Variants in MAP3K7 observed in about 807,000 individuals in gnomAD.
The protein encoded by MAP3K7 is TGF-beta activated kinase 1.
In MAP3K7, 21 loss-of-function variants were observed where a neutral mutation model predicts 84.8. The observed-to-expected ratio is 0.25, with a 90% confidence interval of 0.18 to 0.36. The LOEUF (loss-of-function observed/expected upper bound fraction) is 0.36, where lower values mean the gene tolerates loss of function less well. MAP3K7 is among the 10% of genes least tolerant of loss of function. The pLI, the probability that MAP3K7 is intolerant of heterozygous loss-of-function variation, is 1.00. For missense variants in MAP3K7, 503 were observed against 747.7 expected, an observed-to-expected ratio of 0.67 and a Z score of 3.82; for synonymous variants, 241 against 247.7, an observed-to-expected ratio of 0.97 and a Z score of 0.25.
Position 90,548,029 on chromosome 6 carries a change from T to C in MAP3K7, c.1080+18A>G. ...TACTGGTAAGGTTACCAGTTTTACT[T>C]GTAATAACATAACAAACCTGTTGCT... On this transcript the variant is annotated intron_variant, in intron 10 of 16. Coordinates refer to ENST00000369329, the MANE Select transcript of MAP3K7 (RefSeq NM_145331.3). 5 of 1,601,274 alleles carry C rather than the reference T, an allele frequency of 3.1e-6. No individual in the cohort carries two copies. The highest frequency in any genetic ancestry group is 4.3e-6 in the Non-Finnish European group (5 of 1,174,428).
intron 1 of MAP3K7, among the ~76,000 whole-genome samples, chr6:90,572,162 T>C (rs1776927420): frequency 6.6e-6 from 1 of 151,730 alleles, no homozygotes; most frequent in South Asian, 2.1e-4. Context: ...GAAGATGATA[T>C]GGAAAAACAA....
At chr6:90,582,528 C>T (rs1349567723) in intron 1 of MAP3K7, among the ~76,000 whole-genome samples, 7 of 152,164 alleles carry the variant, frequency 4.6e-5, no homozygotes, top group African/African-American at 1.7e-4. Context: ...GAATGCTTCT[C>T]TAAGGAAGTG....
rs766563050 is a variant in MAP3K7, at chr6:90,550,494, C to G, written c.923G>C (p.Gly308Ala). ...TGTACTGGTGGCAGAGTTGCTCTGT[C>G]CTTCATCTGAATACTGACAAGGATA... The part of the protein sequence containing the change: ...LQYPCQYSDE[G>A]QSNSATSTGS... The change falls in exon 9 of 17, where the codon GGA becomes GCA. Residue 308 changes from glycine (G) to alanine (A), a missense_variant. Around this residue, in one of 5 missense-constraint regions of MAP3K7, gnomAD observed 286 missense variants for 313.6 expected, o/e 0.91. Transcript: ENST00000369329. 1.9e-6 allele frequency: 3 copies of G among 1,611,704 alleles called. No homozygotes were observed. The highest frequency in any genetic ancestry group is 1.3e-5 in the African/African-American group (1 of 74,954).
intron 11 of MAP3K7, among the ~76,000 whole-genome samples, chr6:90,545,747 A>G (rs1331700948): frequency 6.6e-6 from 1 of 152,148 alleles, no homozygotes; most frequent in Non-Finnish European, 1.5e-5. Flanking sequence ...TTTTAGCAAT[A>G]GTACTCTGAT....
intron 3 of MAP3K7, among the ~76,000 whole-genome samples, chr6:90,566,358 G>A (rs573387369): frequency 2.6e-5 from 4 of 152,272 alleles, no homozygotes; most frequent in African/African-American, 9.6e-5. Flanking sequence ...AGCAACTTCA[G>A]CAAAGTCTCA....
intron 1 of MAP3K7, among the ~76,000 whole-genome samples, chr6:90,572,442 T>G (rs1308824926): frequency 6.6e-6 from 1 of 152,026 alleles, no homozygotes; most frequent in Admixed American, 6.6e-5. Flanking sequence ...GACCACATAT[T>G]GTATGATTCC....
chr6:90,525,889 G>A (rs183814757), intron 13 of MAP3K7, among the ~76,000 whole-genome samples: 2 of 151,332 alleles, frequency 1.3e-5, no homozygotes, highest in African/African-American at 4.9e-5. Context: ...TTTATATGCT[G>A]TACATATAAA....
At chr6:90,537,256 C>T (rs1403085672) in intron 12 of MAP3K7, 1 of 151,962 alleles carries the variant, frequency 6.6e-6, no homozygotes, top group East Asian at 1.9e-4. Flanking sequence ...TGATACAATA[C>T]TCAAAATTCT....
At chr6:90,531,969 A>AG (rs1200366846) in intron 13 of MAP3K7, among the ~76,000 whole-genome samples, 1 of 151,978 alleles carries the variant, frequency 6.6e-6, no homozygotes, top group Non-Finnish European at 1.5e-5. Flanking sequence ...AAAAAAAAAA[A>AG]AAAGAAGAAA....
intron 14 of MAP3K7, among the ~76,000 whole-genome samples, chr6:90,521,200 A>G (rs532284869): frequency 6.6e-6 from 1 of 152,158 alleles, no homozygotes; most frequent in South Asian, 2.1e-4. Context: ...TGAACTTCCA[A>G]TCTCTACTAG....
intron 1 of MAP3K7, among the ~76,000 whole-genome samples, chr6:90,583,021 T>C (rs1777329343): frequency 6.6e-6 from 1 of 152,008 alleles, no homozygotes; most frequent in Non-Finnish European, 1.5e-5. Context: ...TAGCTGGGAT[T>C]ACAGGCCTGT....
intron 4 of MAP3K7, among the ~76,000 whole-genome samples, chr6:90,560,606 TGCCTTG>T (rs1776479893): frequency 6.6e-6 from 1 of 152,196 alleles, no homozygotes; most frequent in Non-Finnish European, 1.5e-5. Context: ...ATGATCTGCC[TGCCTTG>T]GCCTCCCAAA....
intron 2 of MAP3K7, among the ~76,000 whole-genome samples, chr6:90,570,983 T>C (rs2127984750): frequency 1.3e-5 from 2 of 152,260 alleles, no homozygotes; most frequent in East Asian, 3.9e-4. Context: ...TAAGTCCTCA[T>C]TTTTCCATGT....
At chr6:90,586,416 C>A (rs1439969319) in intron 1 of MAP3K7, among the ~76,000 whole-genome samples, 4 of 151,166 alleles carry the variant, frequency 2.6e-5, no homozygotes, top group African/African-American at 4.9e-5. Flanking sequence ...TTACGTCCAG[C>A]GGACTGAAAC....
At chr6:90,579,957 T>C (rs1413032500) in intron 1 of MAP3K7, among the ~76,000 whole-genome samples, 1 of 152,368 alleles carries the variant, frequency 6.6e-6, no homozygotes, top group African/African-American at 2.4e-5. Flanking sequence ...TCTCAGGCTA[T>C]GTAAAACAGC....
chr6:90,564,184 C>T (rs1245235137), intron 3 of MAP3K7, among the ~76,000 whole-genome samples: 1 of 152,184 alleles, frequency 6.6e-6, no homozygotes, highest in Non-Finnish European at 1.5e-5. Context: ...AACCAGCTAA[C>T]ATCATAATGA....
Position 90,586,934 on chromosome 6 carries a change from C to T in MAP3K7, c.-51G>A. 1 of 1,527,968 alleles carries T rather than the reference C, an allele frequency of 6.5e-7. No homozygotes were observed. Among genetic ancestry groups the T allele is most frequent in the Non-Finnish European group, 8.7e-7 (1 of 1,145,790 alleles). The allele number at this position is 1,527,968 out of a possible 1,614,324, so 94.7% of individuals were successfully genotyped here. On this transcript the variant is annotated 5_prime_UTR_variant, in exon 1 of 17. Transcript: ENST00000369329. ...CGGGAACGGTGCCACCCGGACAATC[C>T]GGGTGAGACCCGCGCCCACCCGCCT...
intron 12 of MAP3K7, 154 bp from the exon 13 acceptor site, chr6:90,536,555 A>C (rs919330130): frequency 6.7e-6 from 4 of 599,030 alleles, no homozygotes; most frequent in African/African-American, 5.6e-5. Flanking sequence ...TAAGAAAAAA[A>C]AAAAAGAAGA....
intron 14 of MAP3K7, 134 bp from the exon 15 acceptor site, chr6:90,519,453 TTGAAGAGTCTATTTC>T: frequency 1.6e-6 from 1 of 627,626 alleles, no homozygotes; most frequent in South Asian, 1.8e-5. Context: ...CTATTGGTAA[TTGAAGAGTCTATTTC>T]TGAATTCTAA....
Sources: allele counts gnomAD v4.1 joint callset (sites outside exome capture counted in the v4.1 genomes callset), GRCh38; gene constraint gnomAD v4.1.1; regional missense constraint gnomAD v4.1.1; transcripts MANE v1.5; gene names NCBI Gene and HGNC (gene_info 2026-07-23, HGNC 2026-07-21).